Variants in AUTS2 observed in about 807,000 individuals in gnomAD.
AUTS2 encodes autism susceptibility gene 2 protein.
A neutral mutation model predicts 112.4 loss-of-function variants in AUTS2; 17 were observed. That is an observed-to-expected ratio of 0.15 (90% CI 0.10 to 0.23). The LOEUF (loss-of-function observed/expected upper bound fraction) is 0.23, where lower values mean the gene tolerates loss of function less well. Among genes scored for constraint, AUTS2 ranks in the 10% least tolerant of loss-of-function variants. The pLI is 1.00. For missense variants in AUTS2, 1,510 were observed against 1,701.6 expected, an observed-to-expected ratio of 0.89 and a Z score of 1.98; for synonymous variants, 751 against 702.7, an observed-to-expected ratio of 1.07 and a Z score of -1.09.
At chr7:70,381,825 C>A (rs1004417779) in intron 4 of AUTS2, among the ~76,000 whole-genome samples, 1 of 152,132 alleles carries the variant, frequency 6.6e-6, no homozygotes, top group East Asian at 1.9e-4. Context: ...GTTTTCAGCT[C>A]TCTTTACCTT....
intron 4 of AUTS2, among the ~76,000 whole-genome samples, chr7:70,158,271 A>G (rs1807889126): frequency 1.3e-5 from 2 of 152,188 alleles, no homozygotes; most frequent in South Asian, 4.1e-4. Flanking sequence ...AGAATTTATT[A>G]GATGTGTGTG....
chr7:70,125,701 G>A (rs775807183), intron 3 of AUTS2, among the ~76,000 whole-genome samples: 2 of 152,118 alleles, frequency 1.3e-5, no homozygotes, highest in East Asian at 1.9e-4. Flanking sequence ...CCTCCTACCC[G>A]GCAATCATGT....
At chr7:70,500,297 C>G (rs1205965856) in intron 5 of AUTS2, among the ~76,000 whole-genome samples, 1 of 152,178 alleles carries the variant, frequency 6.6e-6, no homozygotes, top group African/African-American at 2.4e-5. Flanking sequence ...CTTTCTCTGT[C>G]CTGATCATGC....
At chr7:70,163,870 A>T (rs1808243214) in intron 4 of AUTS2, among the ~76,000 whole-genome samples, 1 of 152,178 alleles carries the variant, frequency 6.6e-6, no homozygotes, top group Non-Finnish European at 1.5e-5. Flanking sequence ...TGAGTCCCAG[A>T]TGTGCAGGGC....
At chr7:70,245,171 A>ATATATATATATATATAT (rs61292882) in intron 4 of AUTS2, among the ~76,000 whole-genome samples, 12 of 129,560 alleles carry the variant, frequency 9.3e-5, no homozygotes, top group Admixed American at 3.1e-4. Context: ...TATATATATA[A>ATATATATATATATATAT]AAAATAAAAA....
intron 5 of AUTS2, among the ~76,000 whole-genome samples, chr7:70,686,258 G>C (rs1441756901): frequency 6.6e-6 from 1 of 152,192 alleles, no homozygotes; most frequent in Non-Finnish European, 1.5e-5. Flanking sequence ...AAGGTAAGTT[G>C]CTGTTCCAAG....
chr7:70,316,641 C>G (rs1790012277), intron 4 of AUTS2, among the ~76,000 whole-genome samples: 1 of 152,058 alleles, frequency 6.6e-6, no homozygotes, highest in Non-Finnish European at 1.5e-5. Flanking sequence ...TCAAGTGATC[C>G]ACCCACCTTG....
chr7:70,526,216 A>G (rs1799833350), intron 5 of AUTS2, among the ~76,000 whole-genome samples: 1 of 152,212 alleles, frequency 6.6e-6, no homozygotes, highest in Non-Finnish European at 1.5e-5. Context: ...ATCACTTGCC[A>G]TACGCAGCTG....
intron 1 of AUTS2, among the ~76,000 whole-genome samples, chr7:69,882,189 AG>A (rs1794084798): frequency 7.1e-6 from 1 of 140,374 alleles, no homozygotes; most frequent in Non-Finnish European, 1.5e-5. Flanking sequence ...ACCAAGTGAT[AG>A]GCTGGGCGTG....
chr7:70,692,557 T>C (rs150870354), intron 5 of AUTS2, among the ~76,000 whole-genome samples: 5 of 152,328 alleles, frequency 3.3e-5, no homozygotes, highest in Admixed American at 2.6e-4. Flanking sequence ...AACCTATACC[T>C]TCTGAGATGC....
Position 70,416,974 on chromosome 7 carries a change from G to A in AUTS2, c.661-18778G>A, listed in dbSNP as rs985996710. 3.3e-5 allele frequency among the ~76,000 whole-genome samples: 5 copies of A among 152,286 alleles called. No homozygotes were observed. The East Asian group carries it at 7.7e-4, about 24-fold the overall frequency. ...ACAGGGATGATTTGAAACAAGCCTT[G>A]TGGCTTTTTAATAATGTGCCAAAGC... On this transcript the variant is annotated intron_variant, in intron 4 of 18. Coordinates refer to ENST00000342771, the MANE Select transcript of AUTS2 (RefSeq NM_015570.4).
At chr7:69,687,983 C>A (rs1391203632) in intron 1 of AUTS2, among the ~76,000 whole-genome samples, 1 of 152,110 alleles carries the variant, frequency 6.6e-6, no homozygotes, top group Non-Finnish European at 1.5e-5. Context: ...CTGAGTTATG[C>A]GAGCAGTAAA....
rs1808983126 is a variant in AUTS2 at position 70,694,807 on chromosome 7, C to A, written c.691-3762C>A. Reference sequence around the variant, plus strand: ...GATGTGTGCGCGCGGCGCCGGCTCTCGGTCGCCCCGAAGCTGTTGCCCGGT... The same window carrying A: ...GATGTGTGCGCGCGGCGCCGGCTCTAGGTCGCCCCGAAGCTGTTGCCCGGT... On this transcript the variant is annotated intron_variant, in intron 5 of 18. Transcript: ENST00000342771. The surrounding 1 kb of genome is among the most constrained non-coding windows in gnomAD (Gnocchi z 4.1). 3 of 151,336 alleles carry A rather than the reference C, an allele frequency of 2.0e-5. No homozygotes were observed. The South Asian group carries it at 6.2e-4, about 31-fold the overall frequency. 9.4% of individuals were successfully genotyped at this position (151,336 alleles called of 1,614,324 possible). A position where few individuals can be genotyped will look rare whatever the true frequency, so the allele number is the denominator to read the frequency against.
chr7:70,785,036 A>C lies in AUTS2; in HGVS notation c.2224+17A>C. Reference sequence around the variant, plus strand: ...CCCACCTAGGTGAGTCGCCCAAAATAATGGGAACTGAGATGTGTGCTTCAG... The same window carrying C: ...CCCACCTAGGTGAGTCGCCCAAAATCATGGGAACTGAGATGTGTGCTTCAG... On this transcript the variant is annotated intron_variant, in intron 16 of 18. Transcript: ENST00000342771. The C allele has an allele frequency of 6.2e-7, 1 of 1,613,234 alleles. No individual in the cohort carries two copies. The highest frequency in any genetic ancestry group is 1.1e-5 in the South Asian group (1 of 91,060).
chr7:70,693,815 G>A lies in AUTS2; in HGVS notation c.691-4754G>A, dbSNP rs545183680. Among the ~76,000 whole-genome samples the A allele has an allele frequency of 1.6e-3, 238 of 152,302 alleles. 1 individual carries two copies. Among genetic ancestry groups the A allele is most frequent in the African/African-American group, 5.4e-3 (226 of 41,576 alleles). On this transcript the variant is annotated intron_variant, in intron 5 of 18. Transcript: ENST00000342771. ...GGCAACTGCGGGGAGGGCGAGGAGC[G>A]GTGCAGTTTCCGCCGCGCCCGCCCG...
intron 2 of AUTS2, among the ~76,000 whole-genome samples, chr7:69,985,136 C>G (rs1798452056): frequency 6.7e-6 from 1 of 149,406 alleles, no homozygotes; most frequent in African/African-American, 2.5e-5. Context: ...GAGCCTGAGG[C>G]AGGAGGATCA....
At chr7:69,615,711 T>C (rs1793337076) in intron 1 of AUTS2, among the ~76,000 whole-genome samples, 2 of 152,232 alleles carry the variant, frequency 1.3e-5, no homozygotes, top group Non-Finnish European at 2.9e-5. Context: ...CAAATATGTA[T>C]GCTCAGCCTG....
intron 2 of AUTS2, among the ~76,000 whole-genome samples, chr7:69,965,191 C>T (rs1314611165): frequency 6.6e-5 from 10 of 152,080 alleles, no homozygotes; most frequent in Non-Finnish European, 4.4e-5. Flanking sequence ...TCCAAATGCT[C>T]CCCACTGTCC....
At chr7:70,147,498 C>T (rs1807192773) in intron 4 of AUTS2, among the ~76,000 whole-genome samples, 1 of 152,012 alleles carries the variant, frequency 6.6e-6, no homozygotes, top group African/African-American at 2.4e-5. Context: ...CCTACAACTT[C>T]CAGACTTGTA....
Sources: allele counts gnomAD v4.1 joint callset (sites outside exome capture counted in the v4.1 genomes callset), GRCh38; gene constraint gnomAD v4.1.1; non-coding constraint Gnocchi (gnomAD v3.1); transcripts MANE v1.5; gene names NCBI Gene and HGNC (gene_info 2026-07-23, HGNC 2026-07-21).